Variants in ZBTB20 observed in about 807,000 individuals in gnomAD.
ZBTB20 encodes zinc finger and BTB domain-containing protein 20.
ZBTB20 carries 9 observed loss-of-function variants against 56.9 expected under a neutral mutation model. The ratio of observed to expected loss-of-function variants is 0.16; its 90% confidence interval spans 0.10 to 0.28. The LOEUF is 0.28. ZBTB20 is among the 10% of genes least tolerant of loss of function. The probability of loss-of-function intolerance (pLI) is 1.00; values close to 1 mark genes in which losing one functional copy is unlikely to be tolerated. For synonymous variants in ZBTB20, 417 were observed against 420.7 expected (o/e 0.99, Z 0.11); for missense variants, 655 against 1,003.0 (o/e 0.65, Z 4.69).
At chr3:114,748,306 CTTTCTT>C (rs1202074167) in intron 5 of ZBTB20, among the ~76,000 whole-genome samples, 2 of 135,452 alleles carry the variant, frequency 1.5e-5, no homozygotes, top group Non-Finnish European at 3.1e-5. Context: ...TTCTTTCTTT[CTTTCTT>C]TCTTTCTTTC....
rs139506843 is a variant in ZBTB20 at position 114,595,753 on chromosome 3, T to C, written c.-294-95362A>G. On this transcript the variant is annotated intron_variant, in intron 6 of 11. Coordinates refer to ENST00000675478, the MANE Select transcript of ZBTB20 (RefSeq NM_001348800.3). ...GACTGGTATTTGGTAAGCTCTCATC[T>C]TTCCCATTCCTTCCTTTAGAGTTCA... Among the ~76,000 whole-genome samples the C allele has an allele frequency of 6.3e-3, 955 of 152,360 alleles. 4 individuals are homozygous for C. The highest frequency in any genetic ancestry group is 9.6e-3 in the Non-Finnish European group (652 of 68,026).
At chr3:114,359,011 A>G (rs532611475) in intron 10 of ZBTB20, among the ~76,000 whole-genome samples, 33 of 152,258 alleles carry the variant, frequency 2.2e-4, no homozygotes, top group African/African-American at 7.9e-4. Flanking sequence ...ACCTCATGGT[A>G]TGCTTTTCTA....
At chr3:115,038,928 A>AT (rs1468546717) in intron 2 of ZBTB20, among the ~76,000 whole-genome samples, 1 of 151,948 alleles carries the variant, frequency 6.6e-6, no homozygotes, top group Non-Finnish European at 1.5e-5. Flanking sequence ...TTTTATTATT[A>AT]TTTTTTGCAT....
chr3:114,825,264 A>G (rs909958778), intron 4 of ZBTB20, among the ~76,000 whole-genome samples: 1 of 151,986 alleles, frequency 6.6e-6, no homozygotes, highest in Admixed American at 6.6e-5. Context: ...GCAGTCCTAC[A>G]CAATAAATAT....
intron 7 of ZBTB20, among the ~76,000 whole-genome samples, chr3:114,498,121 A>C (rs1577104389): frequency 6.6e-6 from 1 of 152,168 alleles, no homozygotes; most frequent in East Asian, 1.9e-4. Context: ...TCTGAATCTG[A>C]ATTGTATAGA....
chr3:114,735,853 A>T (rs943823708), intron 5 of ZBTB20, among the ~76,000 whole-genome samples: 8 of 152,144 alleles, frequency 5.3e-5, no homozygotes, highest in African/African-American at 1.9e-4. Context: ...TGAGCCAAAA[A>T]GGATTCTCAC....
chr3:115,133,021 C>T (rs940145436), intron 1 of ZBTB20, among the ~76,000 whole-genome samples: 6 of 152,024 alleles, frequency 3.9e-5, no homozygotes, highest in African/African-American at 1.4e-4. Flanking sequence ...TGAAATTATA[C>T]ATTTTTTACT....
chr3:114,404,565 T>A (rs1159303923), intron 7 of ZBTB20, among the ~76,000 whole-genome samples: 1 of 152,110 alleles, frequency 6.6e-6, no homozygotes, highest in African/African-American at 2.4e-5. Flanking sequence ...GTTTCATATG[T>A]TATTGTCTTT....
intron 5 of ZBTB20, among the ~76,000 whole-genome samples, chr3:114,777,358 G>T (rs2069681674): frequency 6.6e-6 from 1 of 152,072 alleles, no homozygotes; most frequent in South Asian, 2.1e-4. Context: ...TACAAAATTA[G>T]CCGGGCATGG....
intron 4 of ZBTB20, among the ~76,000 whole-genome samples, chr3:114,832,776 C>T (rs1243860163): frequency 2.0e-5 from 3 of 152,034 alleles, no homozygotes; most frequent in Admixed American, 6.6e-5. Flanking sequence ...CCCGCTTAGA[C>T]GTGAACATTC....
intron 6 of ZBTB20, among the ~76,000 whole-genome samples, chr3:114,601,831 G>C (rs1256869209): frequency 6.6e-6 from 1 of 151,994 alleles, no homozygotes; most frequent in Non-Finnish European, 1.5e-5. Flanking sequence ...GTTTGTGAAA[G>C]AGAGTAGTAA....
At chr3:114,609,007 T>C (rs2057362678) in intron 6 of ZBTB20, among the ~76,000 whole-genome samples, 1 of 152,242 alleles carries the variant, frequency 6.6e-6, no homozygotes, top group African/African-American at 2.4e-5. Context: ...ATCTGTCTTA[T>C]ACCTTTTTGA....
chr3:114,714,192 T>A (rs1038445211), intron 5 of ZBTB20, among the ~76,000 whole-genome samples: 2 of 152,190 alleles, frequency 1.3e-5, no homozygotes, highest in Non-Finnish European at 1.5e-5. Flanking sequence ...AATCTGAAAA[T>A]CATAGTCTTC....
At chr3:114,967,915 C>T (rs1211295483) in intron 3 of ZBTB20, among the ~76,000 whole-genome samples, 2 of 151,426 alleles carry the variant, frequency 1.3e-5, no homozygotes, top group South Asian at 2.1e-4. Context: ...CAAGATCACC[C>T]CATTGCACTC....
At chr3:114,960,201 TA>T (rs1285540056) in intron 3 of ZBTB20, among the ~76,000 whole-genome samples, 3 of 152,290 alleles carry the variant, frequency 2.0e-5, no homozygotes, top group African/African-American at 7.2e-5. Context: ...TTCATAGCAA[TA>T]ACTGTGCAAA....
intron 7 of ZBTB20, among the ~76,000 whole-genome samples, chr3:114,436,826 T>C (rs1055911948): frequency 2.0e-5 from 3 of 152,082 alleles, no homozygotes; most frequent in South Asian, 2.1e-4. Context: ...GCCTGGGTGA[T>C]TGAGCCAGAC....
chr3:114,714,763 C>G (rs557495069), intron 5 of ZBTB20, among the ~76,000 whole-genome samples: 3 of 152,296 alleles, frequency 2.0e-5, no homozygotes, highest in Non-Finnish European at 1.5e-5. Flanking sequence ...CAAATGACAA[C>G]TTTTTCGCTG....
chr3:114,895,372 G>A (rs2074832621), intron 4 of ZBTB20, among the ~76,000 whole-genome samples: 1 of 152,264 alleles, frequency 6.6e-6, no homozygotes, highest in Non-Finnish European at 1.5e-5. Context: ...GCTTTTAAAG[G>A]TATCTGACTT....
intron 4 of ZBTB20, among the ~76,000 whole-genome samples, chr3:114,843,061 T>C: frequency 6.6e-6 from 1 of 152,178 alleles, no homozygotes; most frequent in East Asian, 1.9e-4. Context: ...TTTTCTGTCC[T>C]TCTGCCGCCA....
Sources: allele counts gnomAD v4.1 joint callset (sites outside exome capture counted in the v4.1 genomes callset), GRCh38; gene constraint gnomAD v4.1.1; transcripts MANE v1.5; gene names NCBI Gene and HGNC (gene_info 2026-07-23, HGNC 2026-07-21).